TNR: variants seen among roughly 807,000 people sequenced by gnomAD.
TNR encodes the protein tenascin-R.
TNR carries 45 observed loss-of-function variants against 150.4 expected under a neutral mutation model. That is an observed-to-expected ratio of 0.30 (90% CI 0.24 to 0.38). The LOEUF (loss-of-function observed/expected upper bound fraction) is 0.38. Ranked by LOEUF, TNR falls within the 10% of genes least tolerant of loss-of-function variation. TNR has a pLI of 1.00. For missense variants in TNR, 1,544 were observed against 1,759.1 expected, an observed-to-expected ratio of 0.88 and a Z score of 2.19; for synonymous variants, 687 against 678.4, an observed-to-expected ratio of 1.01 and a Z score of -0.20.
intron 3 of TNR, 50 bp downstream of exon 3, chr1:175,406,166 A>G: frequency 6.3e-7 from 1 of 1,581,820 alleles, no homozygotes; most frequent in South Asian, 1.2e-5. Flanking sequence ...CTCTCTGCTC[A>G]GCCCTCTCCT....
intron 1 of TNR, among the ~76,000 whole-genome samples, chr1:175,731,505 A>G (rs1667641089): frequency 6.6e-6 from 1 of 152,234 alleles, no homozygotes; most frequent in South Asian, 2.1e-4. Flanking sequence ...TTTTCAGAGT[A>G]CCTATTAAGT....
chr1:175,635,199 C>G (rs1181709975), intron 1 of TNR, among the ~76,000 whole-genome samples: 1 of 152,248 alleles, frequency 6.6e-6, no homozygotes, highest in Middle Eastern at 3.2e-3. Context: ...GAGGCCAGCT[C>G]TGACTTAGAA....
At chr1:175,708,734 G>A (rs1558084443) in intron 1 of TNR, among the ~76,000 whole-genome samples, 2 of 152,126 alleles carry the variant, frequency 1.3e-5, no homozygotes, top group Non-Finnish European at 2.9e-5. Flanking sequence ...ACACACTTCG[G>A]GCCTTAAGAA....
At chr1:175,357,812 G>A (rs756346231) in intron 15 of TNR, among the ~76,000 whole-genome samples, 3 of 152,226 alleles carry the variant, frequency 2.0e-5, no homozygotes, top group Non-Finnish European at 4.4e-5. Flanking sequence ...AACATCATTA[G>A]AAGTGAGTTC....
intron 1 of TNR, among the ~76,000 whole-genome samples, chr1:175,625,319 G>A (rs1664115081): frequency 6.6e-6 from 1 of 152,216 alleles, no homozygotes; most frequent in African/African-American, 2.4e-5. Context: ...TGAACGCAAA[G>A]ACTGTAGCAG....
At chr1:175,427,246 A>T (rs572055289) in intron 2 of TNR, among the ~76,000 whole-genome samples, 37 of 152,086 alleles carry the variant, frequency 2.4e-4, no homozygotes, top group Admixed American at 8.5e-4. Flanking sequence ...TCCAATGACT[A>T]TACAAGTCAG....
chr1:175,406,192 A>C, intron 3 of TNR, 24 bp downstream of exon 3: 1 of 1,604,326 alleles, frequency 6.2e-7, no homozygotes, highest in Non-Finnish European at 8.5e-7. Flanking sequence ...TCCTGAGACC[A>C]CGCTGCGAGC....
chr1:175,507,530 C>T (rs73046460), intron 2 of TNR, among the ~76,000 whole-genome samples: 221 of 151,984 alleles, frequency 1.5e-3, no homozygotes, highest in African/African-American at 5.1e-3. Context: ...CTTGTCTGTC[C>T]GCCTCACATC....
At chr1:175,644,758 G>A (rs1392797216) in intron 1 of TNR, among the ~76,000 whole-genome samples, 3 of 152,224 alleles carry the variant, frequency 2.0e-5, no homozygotes, top group African/African-American at 7.2e-5. Context: ...TCTTAAAACA[G>A]GTAGAATCCA....
At chr1:175,620,018 G>A (rs1363266188) in intron 1 of TNR, among the ~76,000 whole-genome samples, 2 of 152,188 alleles carry the variant, frequency 1.3e-5, no homozygotes, top group African/African-American at 4.8e-5. Context: ...TGGAAGGGGA[G>A]AATTAAATGG....
chr1:175,344,524 G>T (rs1326947308), intron 18 of TNR, among the ~76,000 whole-genome samples: 1 of 152,132 alleles, frequency 6.6e-6, no homozygotes, highest in Admixed American at 6.5e-5. Flanking sequence ...AAGATTCACT[G>T]CCTCCCTGTG....
intron 1 of TNR, among the ~76,000 whole-genome samples, chr1:175,689,139 G>A (rs1666284828): frequency 6.6e-6 from 1 of 152,330 alleles, no homozygotes; most frequent in East Asian, 1.9e-4. Context: ...GATGGCTCAT[G>A]TGAAGCCCAG....
At chr1:175,359,549 T>C in intron 15 of TNR, 63 bp downstream of exon 15, 3 of 1,611,250 alleles carry the variant, frequency 1.9e-6, no homozygotes, top group South Asian at 1.1e-5. Context: ...CACATCATAC[T>C]GGTCTGCAGC....
intron 2 of TNR, among the ~76,000 whole-genome samples, chr1:175,463,822 G>A (rs1433165220): frequency 6.6e-6 from 1 of 152,166 alleles, no homozygotes; most frequent in Non-Finnish European, 1.5e-5. Flanking sequence ...AACCAAACTG[G>A]GATTCTGCTG....
At chr1:175,420,655 C>G (rs372436913) in intron 2 of TNR, among the ~76,000 whole-genome samples, 7 of 152,304 alleles carry the variant, frequency 4.6e-5, no homozygotes, top group Admixed American at 6.5e-5. Flanking sequence ...ATTTGTAGAG[C>G]TCATCTGAGT....
chr1:175,510,422 T>A (rs1352116295), intron 2 of TNR, among the ~76,000 whole-genome samples: 1 of 152,028 alleles, frequency 6.6e-6, no homozygotes, highest in East Asian at 1.9e-4. Flanking sequence ...AAGTTATCTG[T>A]TACTTTTGAC....
intron 1 of TNR, among the ~76,000 whole-genome samples, chr1:175,698,918 T>C (rs975611969): frequency 2.6e-5 from 4 of 152,106 alleles, no homozygotes; most frequent in Admixed American, 6.5e-5. Context: ...GCTAGAAAGT[T>C]ATGGGAAGGT....
intron 1 of TNR, among the ~76,000 whole-genome samples, chr1:175,615,116 G>A (rs571713544): frequency 1.3e-5 from 2 of 152,326 alleles, no homozygotes; most frequent in East Asian, 3.9e-4. Flanking sequence ...ATCGAGGGTG[G>A]ACAATAAAGG....
chr1:175,412,844 T>G (rs1654272034), intron 2 of TNR, among the ~76,000 whole-genome samples: 2 of 152,216 alleles, frequency 1.3e-5, no homozygotes. Flanking sequence ...TAATGTTTAT[T>G]AAATGCCTGC....
Sources: allele counts gnomAD v4.1 joint callset (sites outside exome capture counted in the v4.1 genomes callset), GRCh38; gene constraint gnomAD v4.1.1; transcripts MANE v1.5; gene names NCBI Gene and HGNC (gene_info 2026-07-23, HGNC 2026-07-21).